The following ADCY10 variants were observed in gnomAD, a reference collection of about 807,000 sequenced individuals.
ADCY10 encodes the protein adenylate cyclase type 10.
In ADCY10, 156 loss-of-function variants were observed where a neutral mutation model predicts 183.3. The observed-to-expected ratio is 0.85, with a 90% CI of 0.75 to 0.97. The LOEUF (loss-of-function observed/expected upper bound fraction) is 0.97, where lower values mean the gene tolerates loss of function less well. ADCY10 is among the 50% of genes least tolerant of loss of function. ADCY10 has a pLI of 0.00. For synonymous variants in ADCY10, 645 were observed against 670.0 expected (o/e 0.96, Z 0.58); for missense variants, 1,745 against 1,934.3 (o/e 0.90, Z 1.84).
intron 1 of ADCY10, among the ~76,000 whole-genome samples, chr1:167,913,181 C>T (rs1054343036): frequency 6.6e-6 from 1 of 152,076 alleles, no homozygotes; most frequent in African/African-American, 2.4e-5. Flanking sequence ...ATGAGGATAC[C>T]TGAGTCAAAA....
In ADCY10 at chr1:167,845,863, G is replaced by A. The variant is rs1423258423; in HGVS notation, c.2717-10C>T. On this transcript the variant is annotated splice_polypyrimidine_tract_variant and intron_variant, in intron 20 of 32. Transcript: ENST00000367851. ...TCCTCTTCACCGTGATCTGGAGAGA[G>A]CAAAAAGGGTTTTTCAGCCAGGCAG... 1.2e-6 allele frequency: 2 copies of A among 1,614,030 alleles called. No individual in the cohort carries two copies. The highest frequency in any genetic ancestry group is 3.3e-5 in the Admixed American group (2 of 60,020).
intron 31 of ADCY10, among the ~76,000 whole-genome samples, chr1:167,813,856 C>T (rs777961511): frequency 2.6e-5 from 4 of 152,174 alleles, no homozygotes; most frequent in Non-Finnish European, 5.9e-5. Flanking sequence ...AATTCTGTGA[C>T]ATCAACAACT....
At position 167,893,934 on chromosome 1, in the gene ADCY10, C is replaced by T; in HGVS notation, c.747G>A (p.Leu249=). The T allele has an allele frequency of 1.9e-6, 3 of 1,612,968 alleles. No individual in the cohort carries two copies. Among genetic ancestry groups the T allele is most frequent in the Non-Finnish European group, 2.5e-6 (3 of 1,179,242 alleles). The part of the protein sequence containing the change: ...YYPSGEHKNL[L]RLACTLKPDP... ...CAGGCTTCAGCGTGCATGCAAGCCT[C>T]AGGAGGTCTAAGAAGGCAGAAGGAG... is the stretch of plus-strand genomic sequence containing the variant. Residue 249 remains leucine, a synonymous_variant, in exon 8 of 33, where the codon CTG becomes CTA. Transcript: ENST00000367851.
intron 9 of ADCY10, among the ~76,000 whole-genome samples, chr1:167,881,031 T>C (rs1282400460): frequency 6.6e-6 from 1 of 152,190 alleles, no homozygotes; most frequent in Non-Finnish European, 1.5e-5. Flanking sequence ...TATTACAATC[T>C]AGGAACTTCC....
chr1:167,822,741 A>G (rs1029108023), intron 29 of ADCY10, among the ~76,000 whole-genome samples: 12 of 152,218 alleles, frequency 7.9e-5, no homozygotes, highest in African/African-American at 2.9e-4. Context: ...ACTATCACTT[A>G]GGTGCAAATT....
intron 14 of ADCY10, among the ~76,000 whole-genome samples, chr1:167,861,361 CCA>C (rs1392309695): frequency 6.6e-6 from 1 of 152,212 alleles, no homozygotes; most frequent in Non-Finnish European, 1.5e-5. Context: ...CTGGGAGCTC[CCA>C]TTGCCTAACG....
intron 22 of ADCY10, chr1:167,836,969 G>A (rs1219684430): frequency 1.7e-5 from 7 of 420,770 alleles, no homozygotes; most frequent in Non-Finnish European, 3.0e-5. Context: ...AGGTTGCAGT[G>A]AGCTGAGATT....
chr1:167,894,000 G>T (rs914546867), intron 7 of ADCY10, 59 bp from the exon 8 acceptor site: 5 of 1,172,978 alleles, frequency 4.3e-6, no homozygotes, highest in Non-Finnish European at 5.1e-6. Context: ...TGCAGTGCTA[G>T]TGAGAGGAGG....
Position 167,909,729 on chromosome 1 carries a change from C to G in ADCY10, c.-59+4247G>C, listed in dbSNP as rs534429615. ...AAGTGATGGTACCAACTTACACTCC[C>G]TCAGGCAAGGTATGACAGTTCAGTT... On this transcript the variant is annotated intron_variant, in intron 1 of 32. Transcript: ENST00000367851. Among the ~76,000 whole-genome samples the G allele has an allele frequency of 1.5e-3, 224 of 152,266 alleles. 1 individual carries two copies. Among genetic ancestry groups the G allele is most frequent in the Admixed American group, 2.6e-3 (40 of 15,294 alleles).
intron 13 of ADCY10, among the ~76,000 whole-genome samples, chr1:167,871,579 G>A (rs772039706): frequency 6.6e-6 from 1 of 152,184 alleles, no homozygotes; most frequent in Non-Finnish European, 1.5e-5. Flanking sequence ...CAAAAAAGTT[G>A]GAGACTCATT....
chr1:167,837,188 G>A, intron 22 of ADCY10, 61 bp downstream of exon 22: 1 of 1,438,644 alleles, frequency 7.0e-7, no homozygotes, highest in Non-Finnish European at 9.8e-7. Flanking sequence ...TTCTAATAGT[G>A]TTCTGAATTT....
intron 32 of ADCY10, among the ~76,000 whole-genome samples, chr1:167,810,161 T>G (rs1662114156): frequency 6.6e-6 from 1 of 151,964 alleles, no homozygotes; most frequent in Non-Finnish European, 1.5e-5. Flanking sequence ...AAGTGGAAAG[T>G]GGCCACAAAG....
chr1:167,853,776 C>A (rs188270005), intron 18 of ADCY10, among the ~76,000 whole-genome samples: 13 of 148,664 alleles, frequency 8.7e-5, no homozygotes, highest in Admixed American at 8.1e-4. Flanking sequence ...CAAAGCGGCC[C>A]TTCAGTTCTG....
In ADCY10 at chr1:167,914,108, C is replaced by A. The variant is rs575997103; in HGVS notation, c.-191G>T. The A allele has an allele frequency of 6.6e-6, 1 of 152,424 alleles. No homozygotes were observed. The highest frequency in any genetic ancestry group is 6.5e-5 in the Admixed American group (1 of 15,304). The allele number at this position is 152,424 out of a possible 1,614,324, so 9.4% of individuals were successfully genotyped here. ...GCTGAAGCGCCATGTCTGTCTATAGCTGACCCATAAAATGACAGTTTTGTC... is the reference window on the plus strand; with the variant it reads ...GCTGAAGCGCCATGTCTGTCTATAGATGACCCATAAAATGACAGTTTTGTC... On this transcript the variant is annotated 5_prime_UTR_variant, in exon 1 of 33. Coordinates refer to ENST00000367851, the MANE Select transcript of ADCY10 (RefSeq NM_018417.6).
chr1:167,901,572 T>G, intron 5 of ADCY10, 90 bp downstream of exon 5: 1 of 1,330,786 alleles, frequency 7.5e-7, no homozygotes, highest in Non-Finnish European at 1.1e-6. Flanking sequence ...GCCACCATGT[T>G]CTACTACTTC....
intron 19 of ADCY10, among the ~76,000 whole-genome samples, chr1:167,848,042 T>C (rs1665174336): frequency 6.6e-6 from 1 of 152,036 alleles, no homozygotes; most frequent in Non-Finnish European, 1.5e-5. Flanking sequence ...GTTTAGGGAC[T>C]AGAAAATAAA....
In ADCY10 at chr1:167,823,023, T is replaced by C; in HGVS notation, c.4153A>G (p.Ile1385Val). The C allele has an allele frequency of 6.2e-7, 1 of 1,614,068 alleles. No individual in the cohort carries two copies. The highest frequency in any genetic ancestry group is 8.5e-7 in the Non-Finnish European group (1 of 1,179,986). The part of the protein sequence containing the change: ...KAFFYFVCLD[I>V]LLYSGFVYRT... ...CCACACTTACCAGAATAAAGCAGGATGTCCAAGCAGACAAAATAGAAAAAT... is the reference window on the plus strand; with the variant it reads ...CCACACTTACCAGAATAAAGCAGGACGTCCAAGCAGACAAAATAGAAAAAT... The change falls in exon 29 of 33, where the codon ATC becomes GTC. Residue 1385 changes from isoleucine (I) to valine (V), a missense_variant. Coordinates refer to ENST00000367851, the MANE Select transcript of ADCY10 (RefSeq NM_018417.6).
chr1:167,898,460 C>G (rs1032426681), intron 6 of ADCY10, among the ~76,000 whole-genome samples: 18 of 151,924 alleles, frequency 1.2e-4, no homozygotes, highest in African/African-American at 4.4e-4. Context: ...ATTAGCTGGG[C>G]GTGGTAGCGG....
chr1:167,898,982 A>G (rs1015178107), intron 6 of ADCY10, among the ~76,000 whole-genome samples: 2 of 152,184 alleles, frequency 1.3e-5, no homozygotes, highest in African/African-American at 2.4e-5. Context: ...TCTCTCTTCT[A>G]TCACTGAACT....
Sources: allele counts gnomAD v4.1 joint callset (sites outside exome capture counted in the v4.1 genomes callset), GRCh38; gene constraint gnomAD v4.1.1; transcripts MANE v1.5; gene names NCBI Gene and HGNC (gene_info 2026-07-23, HGNC 2026-07-21).